WWOX: variants seen among roughly 807,000 people sequenced by gnomAD.
WWOX encodes the protein WW domain-containing oxidoreductase.
WWOX carries 69 observed loss-of-function variants against 46.2 expected under a neutral mutation model. That is an observed-to-expected ratio of 1.49 (90% CI 1.23 to 1.82). The LOEUF (loss-of-function observed/expected upper bound fraction) is 1.82, where lower values mean the gene tolerates loss of function less well. Among genes scored for constraint, WWOX ranks in the 40% most tolerant of loss-of-function variants. The probability of loss-of-function intolerance (pLI) is 0.00; values close to 1 mark genes in which losing one functional copy is unlikely to be tolerated. For synonymous variants in WWOX, 359 were observed against 202.6 expected, an observed-to-expected ratio of 1.77 and a Z score of -6.56; for missense variants, 919 against 542.6, an observed-to-expected ratio of 1.69 and a Z score of -6.89.
At chr16:78,725,812 C>A (rs75937690) in intron 8 of WWOX, among the ~76,000 whole-genome samples, 5 of 151,972 alleles carry the variant, frequency 3.3e-5, no homozygotes, top group Admixed American at 6.6e-5. Flanking sequence ...TTTGGCATTG[C>A]GGGCGGTGCT....
chr16:78,282,536 G>A (rs1567476950), intron 5 of WWOX, among the ~76,000 whole-genome samples: 1 of 152,116 alleles, frequency 6.6e-6, no homozygotes, highest in Non-Finnish European at 1.5e-5. Context: ...CTGATTTGAT[G>A]GGGGTCAGGA....
At chr16:78,731,119 T>A (rs371007418) in intron 8 of WWOX, among the ~76,000 whole-genome samples, 2 of 152,114 alleles carry the variant, frequency 1.3e-5, no homozygotes, top group East Asian at 1.9e-4. Context: ...GTTTTTTGAG[T>A]GAATCTGGTT....
chr16:79,057,436 A>G (rs1008036126), intron 8 of WWOX, among the ~76,000 whole-genome samples: 1 of 152,200 alleles, frequency 6.6e-6, no homozygotes, highest in African/African-American at 2.4e-5. Flanking sequence ...GTTTCTTGTG[A>G]TAGGTTCAAT....
chr16:78,473,568 G>GTGAGCAGACATACTTATCTC (rs373832690), intron 8 of WWOX, among the ~76,000 whole-genome samples: 5,557 of 152,248 alleles, frequency 0.036, 220 homozygotes, highest in African/African-American at 0.093. Context: ...ACACTTATCT[G>GTGAGCAGACATACTTATCTC]TGAGCAGACG....
chr16:78,539,630 G>C (rs903389025), intron 8 of WWOX, among the ~76,000 whole-genome samples: 3 of 152,318 alleles, frequency 2.0e-5, no homozygotes, highest in Non-Finnish European at 4.4e-5. Flanking sequence ...TGGACAGATT[G>C]GCACATATGT....
At chr16:78,865,912 A>G (rs16948631) in intron 8 of WWOX, among the ~76,000 whole-genome samples, 6,903 of 152,272 alleles carry the variant, frequency 0.045, 386 homozygotes, top group East Asian at 0.29. Context: ...GGCCTTTGTG[A>G]TAGTTACTCA....
rs953053751 is a variant in WWOX at position 78,310,102 on chromosome 16, C to A, written c.517-76758C>A. 2.0e-5 allele frequency among the ~76,000 whole-genome samples: 3 copies of A among 151,936 alleles called. No individual in the cohort carries two copies. In the East Asian group the frequency reaches 5.8e-4, roughly 29 times the overall value. On this transcript the variant is annotated intron_variant, in intron 5 of 8. Transcript: ENST00000566780. ...TTTTCCTTTTCTTTCTATCATCATC[C>A]ATAGCTCTCTTGCCCCATTGTTTTA...
chr16:79,045,647 T>C (rs546504744), intron 8 of WWOX, among the ~76,000 whole-genome samples: 27 of 152,068 alleles, frequency 1.8e-4, no homozygotes, highest in Non-Finnish European at 3.1e-4. Flanking sequence ...GGCACCTGAG[T>C]TTTGCATCTT....
intron 8 of WWOX, among the ~76,000 whole-genome samples, chr16:78,663,994 T>A (rs982456469): frequency 6.6e-6 from 1 of 152,204 alleles, no homozygotes; most frequent in Non-Finnish European, 1.5e-5. Context: ...CCTTGACTTA[T>A]GGTGATCACT....
intron 8 of WWOX, among the ~76,000 whole-genome samples, chr16:78,935,655 A>T (rs2045721585): frequency 6.6e-6 from 1 of 152,094 alleles, no homozygotes; most frequent in Non-Finnish European, 1.5e-5. Context: ...TATCTAATGT[A>T]AATGACGAGT....
intron 8 of WWOX, among the ~76,000 whole-genome samples, chr16:78,870,958 A>G (rs957980457): frequency 2.0e-5 from 3 of 152,190 alleles, no homozygotes; most frequent in African/African-American, 4.8e-5. Context: ...GTTTACCACA[A>G]CCACCAGAGT....
At chr16:78,341,782 C>T (rs1259267362) in intron 5 of WWOX, among the ~76,000 whole-genome samples, 1 of 120,218 alleles carries the variant, frequency 8.3e-6, no homozygotes, top group Admixed American at 8.1e-5. Context: ...ATAGATGAGT[C>T]CCTATTGGGT....
chr16:79,063,720 G>A (rs150245011), intron 8 of WWOX, among the ~76,000 whole-genome samples: 1 of 152,114 alleles, frequency 6.6e-6, no homozygotes, highest in Non-Finnish European at 1.5e-5. Context: ...AAAATCCACA[G>A]GTCTTCAAGA....
intron 5 of WWOX, among the ~76,000 whole-genome samples, chr16:78,215,558 G>C (rs1265342339): frequency 6.6e-6 from 1 of 152,162 alleles, no homozygotes; most frequent in South Asian, 2.1e-4. Flanking sequence ...CTAGCCATGC[G>C]GAACTGTGAG....
intron 4 of WWOX, among the ~76,000 whole-genome samples, chr16:78,145,382 C>A (rs1318004355): frequency 6.6e-6 from 1 of 152,084 alleles, no homozygotes; most frequent in Admixed American, 6.5e-5. Flanking sequence ...CCCAAGAGCC[C>A]CTGGCAAACC....
chr16:78,889,957 G>C (rs1483462369), intron 8 of WWOX, among the ~76,000 whole-genome samples: 2 of 152,056 alleles, frequency 1.3e-5, no homozygotes, highest in Non-Finnish European at 1.5e-5. Flanking sequence ...ACCATCTTAT[G>C]TCTCTTCTTT....
intron 8 of WWOX, among the ~76,000 whole-genome samples, chr16:78,875,538 C>G (rs1284689946): frequency 1.3e-5 from 2 of 152,192 alleles, no homozygotes; most frequent in South Asian, 2.1e-4. Flanking sequence ...TTCCTTCTGT[C>G]TGTTCTTGGC....
intron 8 of WWOX, among the ~76,000 whole-genome samples, chr16:78,561,716 G>A (rs1225635278): frequency 6.6e-6 from 1 of 152,198 alleles, no homozygotes; most frequent in East Asian, 1.9e-4. Flanking sequence ...GTTAGGTAGA[G>A]CGCCTTATAG....
intron 8 of WWOX, among the ~76,000 whole-genome samples, chr16:78,578,144 T>G (rs2044937183): frequency 6.6e-6 from 1 of 151,048 alleles, no homozygotes; most frequent in Admixed American, 6.6e-5. Context: ...ATTAAGCTGT[T>G]GTTGATGCTT....
Sources: gnomAD v4.1 joint callset for allele counts (sites outside exome capture counted in the v4.1 genomes callset) on GRCh38, gnomAD v4.1.1 for gene constraint, MANE v1.5 for transcripts, NCBI Gene and HGNC (gene_info 2026-07-23, HGNC 2026-07-21) for gene names.